CLEC16A: variants seen among roughly 807,000 people sequenced by gnomAD.
The protein encoded by CLEC16A is C-type lectin domain containing 16A.
In CLEC16A, 51 loss-of-function variants were observed where a neutral mutation model predicts 109.5. The ratio of observed to expected loss-of-function variants is 0.47; its 90% CI spans 0.37 to 0.59. The LOEUF (loss-of-function observed/expected upper bound fraction) is 0.59. Ranked by LOEUF, CLEC16A falls within the 20% of genes least tolerant of loss-of-function variation. CLEC16A has a pLI of 0.00. For missense variants in CLEC16A, 1,339 were observed against 1,394.0 expected (o/e 0.96, Z 0.63); for synonymous variants, 673 against 564.2 (o/e 1.19, Z -2.73).
At chr16:11,173,726 C>T (rs1260113375) in intron 23 of CLEC16A, among the ~76,000 whole-genome samples, 1 of 152,194 alleles carries the variant, frequency 6.6e-6, no homozygotes, top group African/African-American at 2.4e-5. Context: ...CCTCCTCACA[C>T]TGTCCTGAGG....
At chr16:11,000,322 G>A (rs1001733133) in intron 10 of CLEC16A, among the ~76,000 whole-genome samples, 2 of 152,208 alleles carry the variant, frequency 1.3e-5, no homozygotes, top group African/African-American at 4.8e-5. Flanking sequence ...TGTTCTGTAT[G>A]TCTGAGTCCA....
At chr16:11,021,616 G>GT (rs1444485041) in intron 12 of CLEC16A, among the ~76,000 whole-genome samples, 39 of 152,324 alleles carry the variant, frequency 2.6e-4, no homozygotes, top group African/African-American at 9.1e-4. Context: ...TAGTCACATA[G>GT]TGAGACCCCA....
chr16:11,173,445 C>T (rs771758077), intron 23 of CLEC16A, among the ~76,000 whole-genome samples: 1 of 152,068 alleles, frequency 6.6e-6, no homozygotes, highest in South Asian at 2.1e-4. Flanking sequence ...AAGCCCCACT[C>T]GGCCACCTGG....
At chr16:11,070,934 C>A (rs920432091) in intron 19 of CLEC16A, 1 of 152,236 alleles carries the variant, frequency 6.6e-6, no homozygotes, top group Non-Finnish European at 1.5e-5. Context: ...CTGACCACAT[C>A]GCCCTGTTTG....
intron 1 of CLEC16A, among the ~76,000 whole-genome samples, chr16:10,955,212 G>A (rs188628356): frequency 2.7e-3 from 408 of 152,324 alleles, no homozygotes; most frequent in Middle Eastern, 0.01. Flanking sequence ...CGTGTCTGGC[G>A]TTTGGATCCC....
At chr16:11,003,027 G>A in intron 10 of CLEC16A, 47 bp from the exon 11 acceptor site, 7 of 1,484,414 alleles carry the variant, frequency 4.7e-6, no homozygotes, top group Non-Finnish European at 5.5e-6. Flanking sequence ...CATCCAGCAG[G>A]ATTCTAGTGT....
At chr16:11,028,414 C>T (rs922802772) in intron 13 of CLEC16A, among the ~76,000 whole-genome samples, 1 of 152,070 alleles carries the variant, frequency 6.6e-6, no homozygotes, top group African/African-American at 2.4e-5. Flanking sequence ...CCCTAAGACT[C>T]CTGCAGCAGT....
At chr16:11,122,699 C>G (rs1240770479) in intron 20 of CLEC16A, among the ~76,000 whole-genome samples, 2 of 152,146 alleles carry the variant, frequency 1.3e-5, no homozygotes, top group African/African-American at 4.8e-5. Flanking sequence ...ACATTTCTGA[C>G]TTTTGTGTTC....
chr16:11,083,652 A>T, intron 19 of CLEC16A, among the ~76,000 whole-genome samples: 1 of 152,208 alleles, frequency 6.6e-6, no homozygotes, highest in East Asian at 1.9e-4. Context: ...CCCATGTAAT[A>T]ATATCTGCCA....
In CLEC16A at chr16:11,060,916, C is replaced by A; in HGVS notation, c.2010C>A (p.Phe670Leu). Residue 670 changes from phenylalanine to leucine, a missense_variant, in exon 19 of 24, where the codon TTC (phenylalanine) becomes TTA (leucine). Around this residue, in one of 3 missense-constraint regions of CLEC16A, gnomAD observed 1,061 missense variants for 1,006.8 expected, o/e 1.05. Transcript: ENST00000409790. ...VEKTRRAIRV[F>L]FMLRSLSLQL... ...TGTTGGTCCAGGCCATCCGGGTGTTCTTCATGCTGCGTTCCCTGTCACTGC... is the reference window on the plus strand; with the variant it reads ...TGTTGGTCCAGGCCATCCGGGTGTTATTCATGCTGCGTTCCCTGTCACTGC... 1.2e-6 allele frequency: 2 copies of A among 1,611,476 alleles called. No homozygotes were observed. Among genetic ancestry groups the A allele is most frequent in the East Asian group, 2.2e-5 (1 of 44,736 alleles).
intron 22 of CLEC16A, among the ~76,000 whole-genome samples, chr16:11,161,414 C>G (rs115802564): frequency 0.013 from 1,950 of 152,302 alleles, 48 homozygotes; most frequent in African/African-American, 0.045. Flanking sequence ...AGAAGCAAAA[C>G]AGAACTCCAG....
chr16:11,128,394 A>G (rs931379896), intron 22 of CLEC16A, among the ~76,000 whole-genome samples: 3 of 152,140 alleles, frequency 2.0e-5, no homozygotes, highest in African/African-American at 7.2e-5. Context: ...GGTGGTTGGC[A>G]CAGCTGGGAT....
intron 22 of CLEC16A, 170 bp downstream of exon 22, chr16:11,126,316 C>T: frequency 6.7e-7 from 1 of 1,500,052 alleles, no homozygotes; most frequent in Non-Finnish European, 8.9e-7. Context: ...TAAACACAGC[C>T]CCCAAAATAA....
intron 22 of CLEC16A, among the ~76,000 whole-genome samples, chr16:11,127,734 G>T (rs183148353): frequency 6.6e-6 from 1 of 152,062 alleles, no homozygotes; most frequent in Non-Finnish European, 1.5e-5. Flanking sequence ...CAGGCATGGT[G>T]GTGGGCACCT....
Position 11,042,362 on chromosome 16 carries a change from A to G in CLEC16A, c.1769A>G (p.Glu590Gly), listed in dbSNP as rs1246974459. Residue 590 changes from glutamate to glycine, a missense_variant and splice_region_variant, in exon 15 of 24, where the codon GAG becomes GGG. Coordinates refer to ENST00000409790, the MANE Select transcript of CLEC16A (RefSeq NM_015226.3). The stretch of plus-strand genomic sequence containing the variant: ...AAGGACGTGCACCTGGCCTGCCTGG[A>G]GGTAACGCCCTCTCCGCTCCTCCTT... ...IMKDVHLACL[E>G]GAREESVHLV... 1.2e-5 allele frequency: 19 copies of G among 1,576,274 alleles called. No homozygotes were observed. Among genetic ancestry groups the G allele is most frequent in the Non-Finnish European group, 1.6e-5 (19 of 1,160,542 alleles).
intron 19 of CLEC16A, among the ~76,000 whole-genome samples, chr16:11,069,466 G>T (rs1045431693): frequency 6.6e-6 from 1 of 151,262 alleles, no homozygotes. Flanking sequence ...ACAAGGTCTC[G>T]CTCTGTCGTC....
chr16:10,945,962 GCTTA>G (rs1019523340), intron 1 of CLEC16A, among the ~76,000 whole-genome samples: 1 of 152,264 alleles, frequency 6.6e-6, no homozygotes, highest in South Asian at 2.1e-4. Flanking sequence ...ACTGCTCTCT[GCTTA>G]CTTAAAGAGT....
intron 19 of CLEC16A, among the ~76,000 whole-genome samples, chr16:11,081,086 G>T (rs1442449631): frequency 6.6e-6 from 1 of 152,222 alleles, no homozygotes; most frequent in African/African-American, 2.4e-5. Context: ...CTAAGCAGAT[G>T]AACAGGCAGG....
chr16:11,162,873 A>C (rs956284488), intron 22 of CLEC16A, among the ~76,000 whole-genome samples: 15 of 152,152 alleles, frequency 9.9e-5, no homozygotes, highest in African/African-American at 3.4e-4. Context: ...CGTCTGCAGC[A>C]TGGGATGCTG....
Sources: gnomAD v4.1 joint callset for allele counts (sites outside exome capture counted in the v4.1 genomes callset) on GRCh38, gnomAD v4.1.1 for gene constraint, gnomAD v4.1.1 regional missense constraint, MANE v1.5 for transcripts, NCBI Gene and HGNC (gene_info 2026-07-23, HGNC 2026-07-21) for gene names.